MYO3B: variants seen among roughly 807,000 people sequenced by gnomAD.
The protein encoded by MYO3B is myosin-IIIb.
In MYO3B, 156 loss-of-function variants were observed where a neutral mutation model predicts 174.6. The observed-to-expected ratio is 0.89, with a 90% CI of 0.78 to 1.02. MYO3B has a LOEUF of 1.02. Ranked by LOEUF, MYO3B falls within the 50% of genes least tolerant of loss-of-function variation. MYO3B has a pLI of 0.00. For missense variants in MYO3B, 1,632 were observed against 1,639.4 expected (o/e 1.00, Z 0.08); for synonymous variants, 563 against 569.1 (o/e 0.99, Z 0.15).
chr2:170,330,413 T>G (rs1034200540), intron 7 of MYO3B, among the ~76,000 whole-genome samples: 2 of 152,250 alleles, frequency 1.3e-5, no homozygotes, highest in Non-Finnish European at 2.9e-5. Context: ...AATACCTGAA[T>G]TTAAAACCTG....
chr2:170,364,594 T>C (rs2094184759), intron 8 of MYO3B, among the ~76,000 whole-genome samples: 1 of 152,204 alleles, frequency 6.6e-6, no homozygotes, highest in Non-Finnish European at 1.5e-5. Flanking sequence ...AAGCAATACC[T>C]GAAATGAATA....
chr2:170,527,398 C>A (rs1052898452), intron 30 of MYO3B, among the ~76,000 whole-genome samples: 11 of 152,116 alleles, frequency 7.2e-5, no homozygotes, highest in Non-Finnish European at 1.5e-4. Context: ...TTTTGTTTGG[C>A]CTGAATGTTG....
chr2:170,509,388 A>G (rs956434054), intron 28 of MYO3B, among the ~76,000 whole-genome samples: 13 of 152,194 alleles, frequency 8.5e-5, no homozygotes, highest in African/African-American at 2.9e-4. Context: ...TATAACTTCA[A>G]AAAGATGAAA....
chr2:170,398,832 A>G (rs924807024), intron 16 of MYO3B, among the ~76,000 whole-genome samples: 1 of 152,162 alleles, frequency 6.6e-6, no homozygotes, highest in Admixed American at 6.5e-5. Context: ...AGGACATGAA[A>G]AGTCAGCCCT....
At chr2:170,223,838 C>T (rs537062016) in intron 6 of MYO3B, among the ~76,000 whole-genome samples, 31 of 152,232 alleles carry the variant, frequency 2.0e-4, no homozygotes, top group African/African-American at 7.2e-4. Context: ...TTGAGGACAC[C>T]AGTAGACTTT....
chr2:170,299,133 C>T (rs1472208549), intron 7 of MYO3B, among the ~76,000 whole-genome samples: 1 of 152,134 alleles, frequency 6.6e-6, no homozygotes, highest in East Asian at 1.9e-4. Flanking sequence ...ATTTCTTATG[C>T]TTTGGAACAA....
intron 32 of MYO3B, chr2:170,647,083 C>A: frequency 3.2e-6 from 1 of 313,626 alleles, no homozygotes; most frequent in Non-Finnish European, 6.1e-6. Flanking sequence ...CTGAGATACT[C>A]CATTTCTTTC....
Position 170,653,178 on chromosome 2 carries a change from G to C in MYO3B, c.*57G>C. ...GTAGGAACATTCATGGTAATCGACT[G>C]TCTGTCATTGCGTAAGAAAGCACTG... On this transcript the variant is annotated 3_prime_UTR_variant, in exon 35 of 35. Coordinates refer to ENST00000408978, the MANE Select transcript of MYO3B (RefSeq NM_138995.5). 1.2e-6 allele frequency: 2 copies of C among 1,602,588 alleles called. No individual in the cohort carries two copies. Among genetic ancestry groups the C allele is most frequent in the Non-Finnish European group, 1.7e-6 (2 of 1,170,708 alleles).
intron 23 of MYO3B, among the ~76,000 whole-genome samples, chr2:170,462,526 T>C (rs114536709): frequency 0.01 from 1,578 of 152,334 alleles, 25 homozygotes; most frequent in African/African-American, 0.036. Context: ...CCTCACCCCA[T>C]GGGAAGGTGG....
chr2:170,563,919 A>G (rs1691900345), intron 32 of MYO3B, among the ~76,000 whole-genome samples: 1 of 152,222 alleles, frequency 6.6e-6, no homozygotes, highest in Non-Finnish European at 1.5e-5. Flanking sequence ...TCAGTTGATT[A>G]CATTGCTGTG....
In MYO3B at chr2:170,232,287, C is replaced by G. The variant is rs142079512; in HGVS notation, c.604-3704C>G. Among the ~76,000 whole-genome samples, 561 of 152,310 alleles carry G rather than the reference C, an allele frequency of 3.7e-3. 2 individuals carry two copies. Among genetic ancestry groups the G allele is most frequent in the African/African-American group, 0.013 (527 of 41,562 alleles). ...TTTCTCTTAAAGAAATAGCTTCAGA[C>G]TTTGGTATTGGATTGATAGGGAATC... On this transcript the variant is annotated intron_variant, in intron 6 of 34. Coordinates refer to ENST00000408978, the MANE Select transcript of MYO3B (RefSeq NM_138995.5).
chr2:170,223,078 C>G lies in MYO3B; in HGVS notation c.603+5683C>G, dbSNP rs1012639481. On this transcript the variant is annotated intron_variant, in intron 6 of 34. Transcript: ENST00000408978. ...ACCAAATTGCCTTCCTGTGTGGGCG[C>G]CCAACACCCCCAGACTTTTGTTCTC... Among the ~76,000 whole-genome samples, 3 of 152,126 alleles carry G rather than the reference C, an allele frequency of 2.0e-5. No individual in the cohort carries two copies. The East Asian group carries it at 5.8e-4, about 29-fold the overall frequency.
chr2:170,518,750 T>G (rs994805341), intron 29 of MYO3B, among the ~76,000 whole-genome samples: 28 of 152,192 alleles, frequency 1.8e-4, no homozygotes, highest in African/African-American at 6.5e-4. Flanking sequence ...CCCAAGAATG[T>G]TCATTTCTAG....
chr2:170,556,585 G>A (rs1403711988), intron 32 of MYO3B, among the ~76,000 whole-genome samples: 3 of 151,898 alleles, frequency 2.0e-5, no homozygotes, highest in South Asian at 2.1e-4. Flanking sequence ...ACAATGGCAC[G>A]ATCTTGGCTC....
chr2:170,551,349 A>ATTATTTAT (rs57845643), intron 32 of MYO3B, among the ~76,000 whole-genome samples: 2,237 of 142,236 alleles, frequency 0.016, 23 homozygotes, highest in Middle Eastern at 0.029. Flanking sequence ...ATTTAATTTA[A>ATTATTTAT]TTATTTATTT....
intron 22 of MYO3B, among the ~76,000 whole-genome samples, chr2:170,421,589 G>A (rs2094615433): frequency 6.6e-6 from 1 of 152,174 alleles, no homozygotes; most frequent in Non-Finnish European, 1.5e-5. Context: ...GCCACAGCCT[G>A]CTGGGAGGAC....
At position 170,206,761 on chromosome 2, in the gene MYO3B, C is replaced by A. The variant is rs541479144; in HGVS notation, c.321+6477C>A. 6.6e-6 allele frequency among the ~76,000 whole-genome samples: 1 copy of A among 152,120 alleles called. No homozygotes were observed. Among genetic ancestry groups the A allele is most frequent in the Non-Finnish European group, 1.5e-5 (1 of 68,016 alleles). ...CCTGGGTGGCATCTGGATCTGGGTA[C>A]AAGTAGATGCTTACATAATGCCATG... On this transcript the variant is annotated intron_variant, in intron 3 of 34. Coordinates refer to ENST00000408978, the MANE Select transcript of MYO3B (RefSeq NM_138995.5). This position sits in a 1 kb window ranked among gnomAD's most constrained non-coding sequence, Gnocchi z 4.3.
At chr2:170,481,247 G>A (rs1270147303) in intron 25 of MYO3B, among the ~76,000 whole-genome samples, 1 of 152,174 alleles carries the variant, frequency 6.6e-6, no homozygotes, top group Non-Finnish European at 1.5e-5. Flanking sequence ...AGATCTTAAT[G>A]TGTCATCCAG....
intron 7 of MYO3B, among the ~76,000 whole-genome samples, chr2:170,324,184 G>C (rs1191484680): frequency 6.6e-6 from 1 of 152,106 alleles, no homozygotes; most frequent in East Asian, 1.9e-4. Context: ...TCATAGGAAC[G>C]GAAACCCATA....
Sources: allele counts gnomAD v4.1 joint callset (sites outside exome capture counted in the v4.1 genomes callset), GRCh38; gene constraint gnomAD v4.1.1; non-coding constraint Gnocchi (gnomAD v3.1); transcripts MANE v1.5; gene names NCBI Gene and HGNC (gene_info 2026-07-23, HGNC 2026-07-21).